Variants in MTTP observed in about 807,000 individuals in gnomAD.
MTTP encodes the protein microsomal triglyceride transfer protein, also known as microsomal triglyceride transfer protein large subunit.
Under a neutral mutation model 90.6 loss-of-function variants are expected in MTTP, and 49 were observed. That is an observed-to-expected ratio of 0.54 (90% CI 0.43 to 0.69). The LOEUF (loss-of-function observed/expected upper bound fraction) is 0.69, where lower values mean the gene tolerates loss of function less well. MTTP is among the 30% of genes least tolerant of loss of function. The probability of loss-of-function intolerance (pLI) is 0.00; values close to 1 mark genes in which losing one functional copy is unlikely to be tolerated. For synonymous variants in MTTP, 347 were observed against 384.2 expected (o/e 0.90, Z 1.13); for missense variants, 945 against 1,067.5 (o/e 0.89, Z 1.60).
chr4:99,617,845 A>G (rs1331965739), intron 15 of MTTP, among the ~76,000 whole-genome samples: 1 of 152,186 alleles, frequency 6.6e-6, no homozygotes, highest in Non-Finnish European at 1.5e-5. Context: ...GAAAAATACT[A>G]TTGAGTTCAT....
intron 1 of MTTP, among the ~76,000 whole-genome samples, chr4:99,569,115 A>G (rs540674645): frequency 2.0e-5 from 3 of 152,190 alleles, no homozygotes; most frequent in Non-Finnish European, 4.4e-5. Context: ...ATCAAAGTCA[A>G]TGTAAATAGA....
At chr4:99,570,874 C>T (rs536240551), upstream of MTTP, 50 of 432,222 alleles carry the variant, frequency 1.2e-4, 1 homozygote, top group East Asian at 1.9e-3. Flanking sequence ...AGGTAAGAAA[C>T]AAATTCTCCC....
At chr4:99,589,905 T>C (rs1248188101) in intron 4 of MTTP, among the ~76,000 whole-genome samples, 155 bp downstream of exon 4, 1 of 152,212 alleles carries the variant, frequency 6.6e-6, no homozygotes, top group Non-Finnish European at 1.5e-5. Context: ...AATTGCCATT[T>C]ATCCCAATGT....
At position 99,618,960 on chromosome 4, in the gene MTTP, CT is replaced by C. The variant is rs1560627302; in HGVS notation, c.2218-8del. The C allele has an allele frequency of 1.2e-6, 2 of 1,609,576 alleles. No individual in the cohort carries two copies. The highest frequency in any genetic ancestry group is 2.2e-5 in the East Asian group (1 of 44,744). On this transcript the variant is annotated splice_polypyrimidine_tract_variant and intron_variant, in intron 15 of 17. Coordinates refer to ENST00000265517, the MANE Select transcript of MTTP (RefSeq NM_001386140.1). ...TATTATTTTTATAACTATTATTATG[CT>C]TTTTTCTTCTAGGAACTTCAGTTAC...
intron 10 of MTTP, among the ~76,000 whole-genome samples, chr4:99,605,226 TA>T (rs1275928555): frequency 2.6e-5 from 4 of 152,130 alleles, no homozygotes; most frequent in Admixed American, 6.5e-5. Context: ...TTCCTCTAGG[TA>T]AAAAAAATCA....
At chr4:99,576,259 G>C (rs1354187698) in intron 1 of MTTP, among the ~76,000 whole-genome samples, 1 of 152,174 alleles carries the variant, frequency 6.6e-6, no homozygotes, top group Non-Finnish European at 1.5e-5. Context: ...AAATATGTGT[G>C]ATTTAAATAC....
At chr4:99,566,292 AAAAAG>A (rs1159948720) in intron 1 of MTTP, among the ~76,000 whole-genome samples, 34 of 138,100 alleles carry the variant, frequency 2.5e-4, no homozygotes, top group Admixed American at 9.1e-4. Flanking sequence ...CCGTCTCAAA[AAAAAG>A]AAAAAAAAAA....
At chr4:99,579,509 A>T (rs1295846272) in intron 1 of MTTP, among the ~76,000 whole-genome samples, 1 of 152,122 alleles carries the variant, frequency 6.6e-6, no homozygotes, top group Non-Finnish European at 1.5e-5. Context: ...ATATCCATGT[A>T]GCTCACCGAA....
chr4:99,620,853 G>A (rs771087287), intron 16 of MTTP: 40 of 583,462 alleles, frequency 6.9e-5, no homozygotes, highest in Non-Finnish European at 1.1e-4. Context: ...TCAGGGGAAG[G>A]GCAAACCTTC....
At chr4:99,591,435 G>A in intron 5 of MTTP, 84 bp downstream of exon 5, 1 of 1,251,264 alleles carries the variant, frequency 8.0e-7, no homozygotes, top group Admixed American at 1.8e-5. Context: ...AAATAAAGTA[G>A]AAATAGAATT....
chr4:99,573,411 G>T (rs1724881124), upstream of MTTP, among the ~76,000 whole-genome samples: 1 of 152,052 alleles, frequency 6.6e-6, no homozygotes, highest in South Asian at 2.1e-4. Flanking sequence ...CTTTAACAAA[G>T]CTACTTTTCT....
At chr4:99,620,420 C>T (rs1053972980) in intron 16 of MTTP, among the ~76,000 whole-genome samples, 5 of 152,192 alleles carry the variant, frequency 3.3e-5, no homozygotes, top group African/African-American at 4.8e-5. Context: ...AGGGCACATT[C>T]CCCAGCCAAT....
upstream of MTTP, among the ~76,000 whole-genome samples, chr4:99,571,023 T>C (rs1213186607): frequency 6.6e-6 from 1 of 151,984 alleles, no homozygotes. Flanking sequence ...TAATTTGTTA[T>C]GGTAGCTATG....
intron 4 of MTTP, among the ~76,000 whole-genome samples, chr4:99,590,896 A>G (rs982234692): frequency 5.3e-5 from 8 of 152,170 alleles, no homozygotes; most frequent in African/African-American, 1.7e-4. Context: ...TACAGCATTA[A>G]CAATCAACTC....
chr4:99,597,910 A>C (rs1391792036), intron 8 of MTTP, among the ~76,000 whole-genome samples: 3 of 152,196 alleles, frequency 2.0e-5, no homozygotes, highest in Admixed American at 2.0e-4. Flanking sequence ...GATACCAATT[A>C]TCCTAATTGA....
intron 1 of MTTP, among the ~76,000 whole-genome samples, chr4:99,567,253 T>A (rs1724724704): frequency 6.6e-6 from 1 of 152,204 alleles, no homozygotes; most frequent in Admixed American, 6.5e-5. Flanking sequence ...GTGAACTTCC[T>A]GAATCTCCTG....
chr4:99,615,184 AG>A (rs1726069333), intron 15 of MTTP, among the ~76,000 whole-genome samples: 1 of 152,210 alleles, frequency 6.6e-6, no homozygotes. Context: ...TGTTCTGTAA[AG>A]GGTAGAAAGT....
chr4:99,568,375 T>C (rs1226315451), intron 1 of MTTP, among the ~76,000 whole-genome samples: 4 of 152,148 alleles, frequency 2.6e-5, no homozygotes, highest in African/African-American at 9.7e-5. Flanking sequence ...AGTGCAGAAC[T>C]GGAACTTGAA....
At chr4:99,572,772 G>A (rs550170133), upstream of MTTP, among the ~76,000 whole-genome samples, 118 of 152,086 alleles carry the variant, frequency 7.8e-4, no homozygotes, top group South Asian at 1.7e-3. Flanking sequence ...ATACTTCTTC[G>A]ATACACAGAG....
Sources: gnomAD v4.1 joint callset for allele counts (sites outside exome capture counted in the v4.1 genomes callset) on GRCh38, gnomAD v4.1.1 for gene constraint, MANE v1.5 for transcripts, NCBI Gene and HGNC (gene_info 2026-07-23, HGNC 2026-07-21) for gene names.